The following COL5A1 variants were observed in gnomAD, a reference collection of about 807,000 sequenced individuals.
COL5A1 encodes the protein collagen type V alpha 1 chain.
A neutral mutation model predicts 263.7 loss-of-function variants in COL5A1; 16 were observed. That is an observed-to-expected ratio of 0.06 (90% CI 0.04 to 0.09). The LOEUF is 0.09. Among genes scored for constraint, COL5A1 ranks in the 10% least tolerant of loss-of-function variants. The pLI, the probability that COL5A1 is intolerant of heterozygous loss-of-function variation, is 1.00. For missense variants in COL5A1, 2,036 were observed against 2,540.5 expected, an observed-to-expected ratio of 0.80 and a Z score of 4.27; for synonymous variants, 1,012 against 1,004.5, an observed-to-expected ratio of 1.01 and a Z score of -0.14.
chr9:134,785,978 A>G lies in COL5A1; in HGVS notation c.2593-17A>G. 6.2e-7 allele frequency: 1 copy of G among 1,611,226 alleles called. No individual in the cohort carries two copies. The highest frequency in any genetic ancestry group is 8.5e-7 in the Non-Finnish European group (1 of 1,178,190). ...CAATACCGTGCTGGCCATTAATGCA[A>G]CTCTTTCTTCCCCCAGGGAAAACTC... is the stretch of plus-strand genomic sequence containing the variant. On this transcript the variant is annotated splice_polypyrimidine_tract_variant and intron_variant, in intron 30 of 65. Transcript: ENST00000371817.
chr9:134,698,436 G>A (rs1833560511), intron 2 of COL5A1, among the ~76,000 whole-genome samples: 1 of 152,208 alleles, frequency 6.6e-6, no homozygotes, highest in Non-Finnish European at 1.5e-5. Context: ...CTCTGGGTTG[G>A]CCTGTGGGGG....
In COL5A1 at chr9:134,842,085, G is replaced by C. The variant is rs962228313; in HGVS notation, c.5371-72G>C. 7.6e-5 allele frequency: 119 copies of C among 1,560,664 alleles called. No homozygotes were observed. The highest frequency in any genetic ancestry group is 1.7e-4 in the Middle Eastern group (1 of 5,992). On this transcript the variant is annotated intron_variant, in intron 65 of 65. Transcript: ENST00000371817. The surrounding 1 kb of genome is among the most constrained non-coding windows in gnomAD (Gnocchi z 5.8). ...TGGGTTTTGGAGCCAGACAGATTGT[G>C]GGGGGTGATTGGTAAACCCCAAGAC...
intron 9 of COL5A1, among the ~76,000 whole-genome samples, chr9:134,736,631 C>T (rs888023030): frequency 2.0e-5 from 3 of 152,234 alleles, no homozygotes; most frequent in Non-Finnish European, 4.4e-5. Flanking sequence ...TTCTCACATA[C>T]AGTTTACATT....
At chr9:134,798,906 A>T (rs889306261) in intron 37 of COL5A1, among the ~76,000 whole-genome samples, 3 of 152,226 alleles carry the variant, frequency 2.0e-5, no homozygotes, top group Non-Finnish European at 4.4e-5. Context: ...ACTCAGCGTC[A>T]TTCAGTCATT....
chr9:134,830,381 A>G (rs1839560333), intron 64 of COL5A1: 1 of 617,598 alleles, frequency 1.6e-6, no homozygotes, highest in Admixed American at 2.9e-5. Flanking sequence ...TTCTGCCTGG[A>G]GTAGGCAGAT....
At chr9:134,766,412 T>C (rs1206570395) in intron 21 of COL5A1, 42 bp from the exon 22 acceptor site, 3 of 1,605,876 alleles carry the variant, frequency 1.9e-6, no homozygotes, top group East Asian at 4.5e-5. Context: ...GTGAGTTCTT[T>C]CGCATTCAGT....
chr9:134,834,894 C>A, intron 64 of COL5A1, 77 bp from the exon 65 acceptor site: 1 of 1,038,396 alleles, frequency 9.6e-7, no homozygotes, highest in Non-Finnish European at 1.5e-6. Flanking sequence ...GAGTGAAGCC[C>A]AGGGCAGTGC....
chr9:134,706,140 G>A (rs183322057), intron 4 of COL5A1, among the ~76,000 whole-genome samples: 33 of 152,314 alleles, frequency 2.2e-4, no homozygotes, highest in African/African-American at 7.7e-4. Flanking sequence ...CCTGTTCCCA[G>A]GGCGAGTATG....
intron 1 of COL5A1, among the ~76,000 whole-genome samples, chr9:134,684,294 C>T (rs957864437): frequency 1.4e-4 from 22 of 152,230 alleles, no homozygotes; most frequent in Admixed American, 6.5e-4. Context: ...CTGTAGGTGC[C>T]GGAGCCCTGT....
intron 1 of COL5A1, among the ~76,000 whole-genome samples, chr9:134,689,957 A>G (rs1833216977): frequency 1.3e-5 from 2 of 152,178 alleles, no homozygotes; most frequent in Non-Finnish European, 2.9e-5. Flanking sequence ...GACCTTGTTC[A>G]GGGCAGGTTC....
chr9:134,670,487 C>G (rs767183273), intron 1 of COL5A1, among the ~76,000 whole-genome samples: 2 of 152,214 alleles, frequency 1.3e-5, no homozygotes, highest in Admixed American at 6.5e-5. Flanking sequence ...TTACTTCCCC[C>G]TCTCTGCTCC....
At chr9:134,805,139 C>T (rs971031197) in intron 40 of COL5A1, 22 bp from the exon 41 acceptor site, 3 of 1,614,010 alleles carry the variant, frequency 1.9e-6, no homozygotes, top group Non-Finnish European at 2.5e-6. Context: ...TGCCCTTGAC[C>T]AACCTTTTCA....
chr9:134,759,739 C>T (rs1339966532), intron 18 of COL5A1, among the ~76,000 whole-genome samples: 3 of 95,866 alleles, frequency 3.1e-5, no homozygotes, highest in Admixed American at 1.2e-4. Flanking sequence ...CTCATACACA[C>T]ACACCACACA....
At chr9:134,817,121 C>CAT in intron 53 of COL5A1, 42 bp downstream of exon 53, 1 of 1,568,904 alleles carries the variant, frequency 6.4e-7, no homozygotes, top group Non-Finnish European at 8.8e-7. Context: ...CAAATCCCTG[C>CAT]ATGAAACACC....
At chr9:134,806,121 G>GC in intron 41 of COL5A1, 68 bp from the exon 42 acceptor site, 1 of 1,169,816 alleles carries the variant, frequency 8.5e-7, no homozygotes, top group Non-Finnish European at 1.3e-6. Flanking sequence ...ATCAGCTGGT[G>GC]CTTTACAAAG....
intron 4 of COL5A1, among the ~76,000 whole-genome samples, chr9:134,710,883 A>G (rs3128592): frequency 5.8e-5 from 3 of 51,676 alleles, no homozygotes; most frequent in African/African-American, 1.9e-4. Context: ...GTGGGGGAGG[A>G]GCCCTATTTG....
intron 9 of COL5A1, among the ~76,000 whole-genome samples, chr9:134,733,519 A>G (rs900430105): frequency 2.6e-5 from 4 of 152,180 alleles, no homozygotes; most frequent in Admixed American, 6.5e-5. Flanking sequence ...GGTCCAGGGA[A>G]GACAGAGCTT....
intron 52 of COL5A1, 99 bp from the exon 53 acceptor site, chr9:134,816,927 T>TG (rs937833735): frequency 1.5e-4 from 160 of 1,103,186 alleles, no homozygotes; most frequent in Admixed American, 1.0e-3. Flanking sequence ...GCCGCAGGGC[T>TG]GGCCGAGGAG....
intron 4 of COL5A1, among the ~76,000 whole-genome samples, chr9:134,724,316 A>G (rs1296967026): frequency 6.6e-6 from 1 of 152,160 alleles, no homozygotes; most frequent in African/African-American, 2.4e-5. Flanking sequence ...CTGCCGTTTT[A>G]TGCTAATTTT....
Sources: allele counts gnomAD v4.1 joint callset (sites outside exome capture counted in the v4.1 genomes callset), GRCh38; gene constraint gnomAD v4.1.1; non-coding constraint Gnocchi (gnomAD v3.1); transcripts MANE v1.5; gene names NCBI Gene and HGNC (gene_info 2026-07-23, HGNC 2026-07-21).